The following RBKS variants were observed in gnomAD, a reference collection of about 807,000 sequenced individuals.
The protein encoded by RBKS is ribokinase.
A neutral mutation model predicts 33.9 loss-of-function variants in RBKS; 33 were observed. The observed-to-expected ratio is 0.97, with a 90% confidence interval of 0.74 to 1.30. RBKS has a LOEUF of 1.30. Ranked by LOEUF, RBKS falls within the 50% of genes most tolerant of loss-of-function variation. RBKS has a pLI of 0.00. For synonymous variants in RBKS, 125 were observed against 143.0 expected, an observed-to-expected ratio of 0.87 and a Z score of 0.90; for missense variants, 361 against 392.6, an observed-to-expected ratio of 0.92 and a Z score of 0.68.
chr2:27,879,837 T>A (rs12620151), intron 1 of RBKS, among the ~76,000 whole-genome samples: 26,643 of 151,932 alleles, frequency 0.18, 3,717 homozygotes, highest in East Asian at 0.63. Flanking sequence ...CGAAACTGAA[T>A]CAGTAATAAA....
At chr2:27,812,891 GA>G (rs962953020) in intron 7 of RBKS, among the ~76,000 whole-genome samples, 35 of 143,694 alleles carry the variant, frequency 2.4e-4, no homozygotes, top group African/African-American at 5.9e-4. Context: ...AAAGTGCTTA[GA>G]AAAAAAAAAG....
intron 7 of RBKS, chr2:27,782,689 G>A: frequency 2.4e-6 from 1 of 425,420 alleles, no homozygotes; most frequent in South Asian, 1.7e-5. Flanking sequence ...TGGTCACCTG[G>A]CTAAGGTAGT....
intron 6 of RBKS, among the ~76,000 whole-genome samples, chr2:27,831,635 G>A (rs1678416083): frequency 6.6e-6 from 1 of 152,164 alleles, no homozygotes; most frequent in Non-Finnish European, 1.5e-5. Flanking sequence ...CCTTCATATA[G>A]ACTTTAAACC....
chr2:27,847,228 A>T (rs575023059), intron 3 of RBKS, 124 bp from the exon 4 acceptor site: 20 of 442,402 alleles, frequency 4.5e-5, no homozygotes, highest in African/African-American at 2.0e-4. Flanking sequence ...CTGGAATGAT[A>T]AAAAAAAATA....
intron 7 of RBKS, among the ~76,000 whole-genome samples, chr2:27,783,269 C>T (rs1677322735): frequency 6.6e-6 from 1 of 152,028 alleles, no homozygotes; most frequent in East Asian, 1.9e-4. Flanking sequence ...ATGGCAAAAC[C>T]TCGCCTCTAC....
chr2:27,881,179 T>C (rs1176098576), intron 1 of RBKS, among the ~76,000 whole-genome samples: 1 of 152,004 alleles, frequency 6.6e-6, no homozygotes, highest in Admixed American at 6.6e-5. Context: ...AGCCTGGAAG[T>C]TGAGGCTGCA....
chr2:27,821,514 G>C (rs1245600055), intron 7 of RBKS, among the ~76,000 whole-genome samples: 1 of 152,108 alleles, frequency 6.6e-6, no homozygotes, highest in Admixed American at 6.5e-5. Flanking sequence ...TACACCAAAA[G>C]GTTAACAATT....
chr2:27,817,577 T>C (rs536433870), intron 7 of RBKS, among the ~76,000 whole-genome samples: 1 of 152,322 alleles, frequency 6.6e-6, no homozygotes, highest in South Asian at 2.1e-4. Flanking sequence ...CAGTTCCGCA[T>C]GGCTGTGGAG....
chr2:27,850,731 G>T (rs1003803213), intron 2 of RBKS, among the ~76,000 whole-genome samples: 1 of 152,148 alleles, frequency 6.6e-6, no homozygotes, highest in African/African-American at 2.4e-5. Context: ...TCTACTAAAG[G>T]ATGTCTTCCA....
chr2:27,868,001 G>A (rs550207204), intron 1 of RBKS, among the ~76,000 whole-genome samples: 34 of 152,248 alleles, frequency 2.2e-4, no homozygotes, highest in African/African-American at 7.2e-4. Context: ...AAAAATGACA[G>A]TGACAAATAA....
chr2:27,800,462 A>G (rs76257296), intron 7 of RBKS, among the ~76,000 whole-genome samples: 2,743 of 152,174 alleles, frequency 0.018, 81 homozygotes, highest in African/African-American at 0.062. Context: ...ATGGGAACTT[A>G]CCTCATAGGG....
intron 1 of RBKS, among the ~76,000 whole-genome samples, chr2:27,881,055 C>A (rs1305260140): frequency 6.6e-6 from 1 of 150,758 alleles, no homozygotes; most frequent in Non-Finnish European, 1.5e-5. Flanking sequence ...CTCTGCAAAC[C>A]AACCAACCAA....
At position 27,844,864 on chromosome 2, in the gene RBKS, G is replaced by C. The variant is rs6737826; in HGVS notation, c.350-1633C>G. On this transcript the variant is annotated intron_variant, in intron 4 of 7. Coordinates refer to ENST00000302188, the MANE Select transcript of RBKS (RefSeq NM_022128.3). ...CATTTTATTTTTATTGGACAACACTGATCTGGAGGAATGAGTTGTAGCAGG... is the reference window on the plus strand; with the variant it reads ...CATTTTATTTTTATTGGACAACACTCATCTGGAGGAATGAGTTGTAGCAGG... Among the ~76,000 whole-genome samples, 1,055 of 152,222 alleles carry C rather than the reference G, an allele frequency of 6.9e-3. 14 individuals carry two copies. Among genetic ancestry groups the C allele is most frequent in the African/African-American group, 0.023 (936 of 41,524 alleles).
intron 5 of RBKS, among the ~76,000 whole-genome samples, chr2:27,840,352 A>ACG (rs1427824939): frequency 1.5e-3 from 197 of 133,014 alleles, no homozygotes; most frequent in African/African-American, 4.8e-3. Context: ...ACACACACAC[A>ACG]CACGCGCGCG....
At chr2:27,865,123 A>G (rs1339414547) in intron 1 of RBKS, among the ~76,000 whole-genome samples, 1 of 152,166 alleles carries the variant, frequency 6.6e-6, no homozygotes, top group Non-Finnish European at 1.5e-5. Context: ...GATCAAGACC[A>G]TCCTGGCTAA....
At chr2:27,872,474 A>G (rs1201643348) in intron 1 of RBKS, among the ~76,000 whole-genome samples, 3 of 152,226 alleles carry the variant, frequency 2.0e-5, no homozygotes, top group Non-Finnish European at 4.4e-5. Flanking sequence ...AATAGCAACT[A>G]AAACAAACCT....
intron 1 of RBKS, among the ~76,000 whole-genome samples, chr2:27,885,358 A>G (rs1325341635): frequency 6.6e-6 from 1 of 152,012 alleles, no homozygotes; most frequent in East Asian, 1.9e-4. Context: ...GCCCTTGGAG[A>G]GATCCTATTA....
intron 7 of RBKS, among the ~76,000 whole-genome samples, chr2:27,812,480 C>T (rs956148143): frequency 4.6e-5 from 7 of 152,148 alleles, no homozygotes; most frequent in African/African-American, 1.7e-4. Context: ...CAATGATAAA[C>T]TGGATTAAGA....
At position 27,851,532 on chromosome 2, in the gene RBKS, T is replaced by A. The variant is rs563279115; in HGVS notation, c.223-3435A>T. On this transcript the variant is annotated intron_variant, in intron 2 of 7. Coordinates refer to ENST00000302188, the MANE Select transcript of RBKS (RefSeq NM_022128.3). ...TAGTCATGTTCCATTCTTTTTTTTT[T>A]AAATTTTTTATTTTTTTATTTTTGA... Among the ~76,000 whole-genome samples the A allele has an allele frequency of 3.1e-3, 477 of 152,130 alleles. 1 individual carries two copies. The highest frequency in any genetic ancestry group is 6.8e-3 in the Middle Eastern group (2 of 294).
Sources: allele counts gnomAD v4.1 joint callset (sites outside exome capture counted in the v4.1 genomes callset), GRCh38; gene constraint gnomAD v4.1.1; transcripts MANE v1.5; gene names NCBI Gene and HGNC (gene_info 2026-07-23, HGNC 2026-07-21).